Variants in AUTS2 observed in about 807,000 individuals in gnomAD.
The protein encoded by AUTS2 is autism susceptibility gene 2 protein.
In AUTS2, 17 loss-of-function variants were observed where a neutral mutation model predicts 112.4. That is an observed-to-expected ratio of 0.15 (90% CI 0.10 to 0.23). AUTS2 has a LOEUF of 0.23. Among genes scored for constraint, AUTS2 ranks in the 10% least tolerant of loss-of-function variants. AUTS2 has a pLI of 1.00. For synonymous variants in AUTS2, 751 were observed against 702.7 expected, an observed-to-expected ratio of 1.07 and a Z score of -1.09; for missense variants, 1,510 against 1,701.6, an observed-to-expected ratio of 0.89 and a Z score of 1.98.
chr7:70,422,310 C>T (rs1795257014), intron 4 of AUTS2, among the ~76,000 whole-genome samples: 1 of 152,196 alleles, frequency 6.6e-6, no homozygotes, highest in Non-Finnish European at 1.5e-5. Context: ...GCACCATTGT[C>T]CCTCTTCCTG....
intron 1 of AUTS2, among the ~76,000 whole-genome samples, chr7:69,843,715 T>C (rs1329821293): frequency 6.6e-6 from 1 of 152,190 alleles, no homozygotes; most frequent in Non-Finnish European, 1.5e-5. Flanking sequence ...TGTTTACCAG[T>C]GTGGTAACCT....
chr7:70,729,184 G>C (rs546140514), intron 6 of AUTS2: 3 of 456,304 alleles, frequency 6.6e-6, no homozygotes, highest in Non-Finnish European at 1.3e-5. Flanking sequence ...GACCTGTGCC[G>C]GGGGTGGGGC....
rs1224197797 is a variant in AUTS2, at chr7:70,777,110, G to A, written c.1940G>A (p.Gly647Glu). The A allele has an allele frequency of 6.2e-7, 1 of 1,614,090 alleles. No individual in the cohort carries two copies. Residue 647 changes from glycine (G) to glutamate (E), a missense_variant, in exon 14 of 19, where the codon GGG (glycine) becomes GAG (glutamate). Around this residue, in one of 3 missense-constraint regions of AUTS2, gnomAD observed 187 missense variants for 309.7 expected, o/e 0.60. Transcript: ENST00000342771. ...TGCTCTTTCTTGTTCCAGAAACCAG[G>A]GAAGTGGTGTGCTATGCATGTTCAC... ...DPFRPMLRKPGKWCAMHVHIA... is the reference protein window; with the variant it reads ...DPFRPMLRKPEKWCAMHVHIA...
At chr7:70,094,026 A>G (rs1804060717) in intron 2 of AUTS2, among the ~76,000 whole-genome samples, 2 of 152,194 alleles carry the variant, frequency 1.3e-5, no homozygotes, top group Non-Finnish European at 2.9e-5. Flanking sequence ...ATCTGTTAGG[A>G]AAGCATGTAT....
At chr7:69,640,001 C>T (rs1376977091) in intron 1 of AUTS2, among the ~76,000 whole-genome samples, 1 of 152,170 alleles carries the variant, frequency 6.6e-6, no homozygotes, top group African/African-American at 2.4e-5. Context: ...AACGCCTCAC[C>T]TCTTGGGCCT....
chr7:70,618,098 T>G (rs1044440284), intron 5 of AUTS2, among the ~76,000 whole-genome samples: 3 of 152,218 alleles, frequency 2.0e-5, no homozygotes, highest in African/African-American at 7.2e-5. Context: ...TTTTTCTCCC[T>G]CTTAGACCAG....
chr7:69,970,393 A>T (rs1003576371), intron 2 of AUTS2, among the ~76,000 whole-genome samples: 1 of 152,178 alleles, frequency 6.6e-6, no homozygotes, highest in Non-Finnish European at 1.5e-5. Flanking sequence ...CTGAAGTTCA[A>T]CAGATTCCTC....
intron 5 of AUTS2, among the ~76,000 whole-genome samples, chr7:70,677,919 T>TA (rs1808003031): frequency 6.6e-6 from 1 of 152,130 alleles, no homozygotes; most frequent in East Asian, 1.9e-4. Context: ...CCGTCTCTAC[T>TA]AAAAATACAA....
intron 4 of AUTS2, among the ~76,000 whole-genome samples, chr7:70,428,771 A>T (rs1446567243): frequency 6.6e-6 from 1 of 152,134 alleles, no homozygotes; most frequent in East Asian, 1.9e-4. Flanking sequence ...ATGTCATTGT[A>T]TGTGATATAT....
At chr7:70,628,324 A>G (rs1805061884) in intron 5 of AUTS2, among the ~76,000 whole-genome samples, 1 of 28,774 alleles carries the variant, frequency 3.5e-5, no homozygotes, top group African/African-American at 3.2e-4. Context: ...CTATATATAT[A>G]TATACATATA....
At chr7:70,259,071 G>A (rs999853184) in intron 4 of AUTS2, among the ~76,000 whole-genome samples, 3 of 152,116 alleles carry the variant, frequency 2.0e-5, no homozygotes, top group Non-Finnish European at 4.4e-5. Flanking sequence ...CAAGCAAGTG[G>A]TGTGGAAAAA....
At chr7:70,498,008 C>T (rs1196811899) in intron 5 of AUTS2, among the ~76,000 whole-genome samples, 1 of 152,126 alleles carries the variant, frequency 6.6e-6, no homozygotes, top group Admixed American at 6.5e-5. Flanking sequence ...ATGCATGTGT[C>T]AGATGGTGAT....
chr7:70,544,944 T>C (rs1412241842), intron 5 of AUTS2, among the ~76,000 whole-genome samples: 2 of 152,132 alleles, frequency 1.3e-5, no homozygotes, highest in Non-Finnish European at 2.9e-5. Flanking sequence ...CTGGGACCTA[T>C]GTACTTGGTG....
chr7:70,058,958 A>G (rs1802118158), intron 2 of AUTS2, among the ~76,000 whole-genome samples: 1 of 152,210 alleles, frequency 6.6e-6, no homozygotes, highest in Non-Finnish European at 1.5e-5. Context: ...CCTGACTATA[A>G]GCTTCAAGAC....
chr7:69,909,145 T>C (rs1034458835), intron 2 of AUTS2, among the ~76,000 whole-genome samples: 1 of 152,240 alleles, frequency 6.6e-6, no homozygotes, highest in Non-Finnish European at 1.5e-5. Context: ...GGAAATTAAT[T>C]TTATCAATAA....
chr7:70,079,143 A>G (rs560917955), intron 2 of AUTS2, among the ~76,000 whole-genome samples: 10 of 152,160 alleles, frequency 6.6e-5, no homozygotes, highest in Admixed American at 5.9e-4. Context: ...ATCTTTATGT[A>G]CCCCTTACAC....
chr7:70,451,656 T>C (rs17141633), intron 5 of AUTS2, among the ~76,000 whole-genome samples: 5,857 of 152,254 alleles, frequency 0.038, 192 homozygotes, highest in African/African-American at 0.086. Context: ...GAAAGGATGT[T>C]AAATATTTAT....
At chr7:69,980,226 G>A (rs575702225) in intron 2 of AUTS2, among the ~76,000 whole-genome samples, 1 of 152,278 alleles carries the variant, frequency 6.6e-6, no homozygotes, top group South Asian at 2.1e-4. Flanking sequence ...GGGATTACAG[G>A]CACCTGCCAC....
intron 1 of AUTS2, among the ~76,000 whole-genome samples, chr7:69,788,727 A>G (rs1202332727): frequency 6.6e-6 from 1 of 151,986 alleles, no homozygotes; most frequent in Non-Finnish European, 1.5e-5. Context: ...CATTATTCAT[A>G]ATTCTGCATT....
Sources: allele counts gnomAD v4.1 joint callset (sites outside exome capture counted in the v4.1 genomes callset), GRCh38; gene constraint gnomAD v4.1.1; regional missense constraint gnomAD v4.1.1; transcripts MANE v1.5; gene names NCBI Gene and HGNC (gene_info 2026-07-23, HGNC 2026-07-21).